Variants in KIF16B observed in about 807,000 individuals in gnomAD.
KIF16B encodes kinesin family member 16B.
In KIF16B, 98 loss-of-function variants were observed where a neutral mutation model predicts 156.3. The observed-to-expected ratio is 0.63, with a 90% CI of 0.53 to 0.74. The LOEUF (loss-of-function observed/expected upper bound fraction) is 0.74. Among genes scored for constraint, KIF16B ranks in the 30% least tolerant of loss-of-function variants. The probability of loss-of-function intolerance (pLI) is 0.00; values close to 1 mark genes in which losing one functional copy is unlikely to be tolerated. For missense variants in KIF16B, 1,421 were observed against 1,606.5 expected, an observed-to-expected ratio of 0.88 and a Z score of 1.97; for synonymous variants, 564 against 583.7, an observed-to-expected ratio of 0.97 and a Z score of 0.49.
chr20:16,570,287 A>C (rs2071408257), intron 1 of KIF16B, among the ~76,000 whole-genome samples: 1 of 152,218 alleles, frequency 6.6e-6, no homozygotes, highest in African/African-American at 2.4e-5. Flanking sequence ...AAAAAGTAGA[A>C]ATGAAATGGT....
At chr20:16,572,895 T>C (rs919946535) in intron 1 of KIF16B, among the ~76,000 whole-genome samples, 2 of 150,676 alleles carry the variant, frequency 1.3e-5, no homozygotes, top group Admixed American at 6.6e-5. Context: ...GTGCCCCCCC[T>C]CAGCACTCTC....
chr20:16,565,151 A>G (rs1466298598), intron 1 of KIF16B, among the ~76,000 whole-genome samples: 1 of 152,216 alleles, frequency 6.6e-6, no homozygotes, highest in African/African-American at 2.4e-5. Flanking sequence ...ATTTTATGGA[A>G]GTGGTTCTCA....
chr20:16,543,535 A>C (rs1183513776), intron 1 of KIF16B, among the ~76,000 whole-genome samples: 1 of 152,236 alleles, frequency 6.6e-6, no homozygotes, highest in African/African-American at 2.4e-5. Context: ...ATTAGGACTT[A>C]ATTCTATCTT....
intron 23 of KIF16B, among the ~76,000 whole-genome samples, chr20:16,345,151 C>T (rs557519794): frequency 1.2e-4 from 18 of 152,348 alleles, no homozygotes; most frequent in Admixed American, 2.6e-4. Flanking sequence ...TCTGCCTTGA[C>T]GTCCTCCGAT....
intron 24 of KIF16B, among the ~76,000 whole-genome samples, chr20:16,319,438 G>A (rs1271163858): frequency 1.3e-5 from 2 of 152,112 alleles, no homozygotes; most frequent in African/African-American, 4.8e-5. Context: ...AGTTACTCCT[G>A]TCCTCATGAC....
intron 17 of KIF16B, among the ~76,000 whole-genome samples, chr20:16,394,349 C>T (rs772182583): frequency 3.2e-4 from 49 of 152,262 alleles, no homozygotes; most frequent in African/African-American, 1.1e-3. Flanking sequence ...ATAATATTCA[C>T]GGACAAAAAG....
chr20:16,370,528 T>A, intron 22 of KIF16B, 58 bp downstream of exon 22: 1 of 1,360,892 alleles, frequency 7.3e-7, no homozygotes, highest in Non-Finnish European at 1.0e-6. Context: ...GAAAATGTAA[T>A]CACATGAGCA....
chr20:16,421,156 T>C (rs1258638370), intron 15 of KIF16B, among the ~76,000 whole-genome samples: 1 of 152,126 alleles, frequency 6.6e-6, no homozygotes, highest in Non-Finnish European at 1.5e-5. Context: ...TTGTAGAAAT[T>C]AACTAAGTGA....
chr20:16,282,472 C>T, intron 25 of KIF16B, among the ~76,000 whole-genome samples: 1 of 151,916 alleles, frequency 6.6e-6, no homozygotes, highest in East Asian at 1.9e-4. Flanking sequence ...TGACTTGGGA[C>T]CCCAGGGGAA....
intron 1 of KIF16B, among the ~76,000 whole-genome samples, chr20:16,551,558 T>C (rs1337617482): frequency 6.6e-6 from 1 of 152,246 alleles, no homozygotes; most frequent in African/African-American, 2.4e-5. Flanking sequence ...TTTTGAAGAA[T>C]GAGGCTGCCA....
intron 15 of KIF16B, among the ~76,000 whole-genome samples, chr20:16,411,217 A>C (rs773356762): frequency 2.0e-5 from 3 of 152,110 alleles, no homozygotes; most frequent in Non-Finnish European, 2.9e-5. Context: ...CTTCCCATTA[A>C]GTGGCAAGTA....
intron 22 of KIF16B, among the ~76,000 whole-genome samples, chr20:16,358,174 G>T (rs1258568960): frequency 6.6e-6 from 1 of 152,086 alleles, no homozygotes; most frequent in African/African-American, 2.4e-5. Context: ...GGGCGACAGA[G>T]CGAGACTCCA....
chr20:16,293,081 C>T (rs1263541271), intron 25 of KIF16B, among the ~76,000 whole-genome samples: 2 of 152,140 alleles, frequency 1.3e-5, no homozygotes, highest in Non-Finnish European at 2.9e-5. Context: ...AGGTTCAACA[C>T]TGAACAAATG....
At chr20:16,510,378 G>A (rs62199783) in intron 6 of KIF16B, among the ~76,000 whole-genome samples, 1,711 of 152,300 alleles carry the variant, frequency 0.011, 15 homozygotes, top group Middle Eastern at 0.061. Flanking sequence ...TGGGCCGGGC[G>A]TGGTGGCTCA....
chr20:16,411,209 T>G (rs903802016), intron 15 of KIF16B, among the ~76,000 whole-genome samples: 3 of 152,122 alleles, frequency 2.0e-5, no homozygotes, highest in African/African-American at 7.2e-5. Context: ...ATGATCAGCT[T>G]CCCATTAAGT....
At chr20:16,326,357 AACAG>A (rs1431774669) in intron 24 of KIF16B, among the ~76,000 whole-genome samples, 5 of 152,072 alleles carry the variant, frequency 3.3e-5, no homozygotes, top group Admixed American at 1.3e-4. Context: ...CAGCAGAATA[AACAG>A]ACAGCCCATA....
chr20:16,288,075 A>G (rs565004055), intron 25 of KIF16B, among the ~76,000 whole-genome samples: 1 of 152,348 alleles, frequency 6.6e-6, no homozygotes, highest in African/African-American at 2.4e-5. Context: ...TATAGATGCC[A>G]TTAGGACTCA....
intron 3 of KIF16B, among the ~76,000 whole-genome samples, chr20:16,522,885 A>C (rs2069403032): frequency 6.6e-6 from 1 of 152,110 alleles, no homozygotes. Flanking sequence ...CCGCACAATC[A>C]CATGGAAACT....
chr20:16,532,788 C>T (rs6080290), intron 1 of KIF16B, among the ~76,000 whole-genome samples: 14,053 of 152,202 alleles, frequency 0.092, 851 homozygotes, highest in South Asian at 0.17. Flanking sequence ...TAGAAGTGAT[C>T]GTGGTAATGC....
Sources: gnomAD v4.1 joint callset for allele counts (sites outside exome capture counted in the v4.1 genomes callset) on GRCh38, gnomAD v4.1.1 for gene constraint, MANE v1.5 for transcripts, NCBI Gene and HGNC (gene_info 2026-07-23, HGNC 2026-07-21) for gene names.